The following CLSTN2 variants were observed in gnomAD, a reference collection of about 807,000 sequenced individuals.
CLSTN2 encodes calsyntenin 2.
Under a neutral mutation model 101.2 loss-of-function variants are expected in CLSTN2, and 48 were observed. The ratio of observed to expected loss-of-function variants is 0.47; its 90% CI spans 0.38 to 0.60. The LOEUF (loss-of-function observed/expected upper bound fraction) is 0.60, where lower values mean the gene tolerates loss of function less well. Ranked by LOEUF, CLSTN2 falls within the 20% of genes least tolerant of loss-of-function variation. The pLI, the probability that CLSTN2 is intolerant of heterozygous loss-of-function variation, is 0.00. For synonymous variants in CLSTN2, 481 were observed against 463.6 expected (o/e 1.04, Z -0.48); for missense variants, 1,160 against 1,238.2 (o/e 0.94, Z 0.95).
intron 1 of CLSTN2, among the ~76,000 whole-genome samples, chr3:140,016,793 G>GT (rs773769040): frequency 1.2e-4 from 11 of 89,298 alleles, no homozygotes; most frequent in African/African-American, 4.6e-4. Context: ...GTGAGACTCT[G>GT]AAAAAAAAAA....
intron 8 of CLSTN2, among the ~76,000 whole-genome samples, chr3:140,495,409 G>T (rs192437639): frequency 1.0e-3 from 153 of 152,196 alleles, no homozygotes; most frequent in African/African-American, 3.5e-3. Flanking sequence ...CCATTCTATA[G>T]GTTGTCTGTT....
chr3:140,440,956 A>G (rs2088757408), intron 5 of CLSTN2, among the ~76,000 whole-genome samples: 1 of 152,222 alleles, frequency 6.6e-6, no homozygotes, highest in South Asian at 2.1e-4. Flanking sequence ...GCAGAGCATT[A>G]AACCAAGATG....
intron 1 of CLSTN2, among the ~76,000 whole-genome samples, chr3:139,941,728 C>T (rs1935135092): frequency 6.6e-6 from 1 of 152,152 alleles, no homozygotes; most frequent in African/African-American, 2.4e-5. Flanking sequence ...CAGGTAAATA[C>T]AAGGTGGTAA....
intron 13 of CLSTN2, among the ~76,000 whole-genome samples, chr3:140,562,594 G>A (rs73870106): frequency 0.027 from 4,116 of 152,276 alleles, 166 homozygotes; most frequent in African/African-American, 0.093. Context: ...AGAAACATCT[G>A]GAAGATTAAG....
At chr3:140,198,308 C>T (rs1260822062) in intron 2 of CLSTN2, among the ~76,000 whole-genome samples, 1 of 152,168 alleles carries the variant, frequency 6.6e-6, no homozygotes, top group Non-Finnish European at 1.5e-5. Flanking sequence ...TGCAGTGTAA[C>T]AAAGCATCAC....
chr3:140,242,704 CAT>C (rs1344493297), intron 2 of CLSTN2, among the ~76,000 whole-genome samples: 1 of 152,198 alleles, frequency 6.6e-6, no homozygotes. Context: ...TATGAGAGGA[CAT>C]GATTCCCATT....
intron 1 of CLSTN2, among the ~76,000 whole-genome samples, chr3:140,175,732 T>TCA: frequency 6.6e-6 from 1 of 152,182 alleles, no homozygotes. Flanking sequence ...GTCAATGCTG[T>TCA]CTCTCACCTT....
chr3:140,235,460 A>G (rs1046051119), intron 2 of CLSTN2, among the ~76,000 whole-genome samples: 8 of 152,218 alleles, frequency 5.3e-5, no homozygotes, highest in Non-Finnish European at 8.8e-5. Context: ...ATTTAAGCAC[A>G]TGCTTGGTGA....
chr3:140,354,215 A>G (rs183292834), intron 2 of CLSTN2, among the ~76,000 whole-genome samples: 10 of 152,346 alleles, frequency 6.6e-5, no homozygotes, highest in Admixed American at 5.9e-4. Flanking sequence ...TCCTGGTTCC[A>G]TAGGATGTTA....
intron 8 of CLSTN2, among the ~76,000 whole-genome samples, chr3:140,528,434 G>A (rs2107777398): frequency 6.6e-6 from 1 of 152,230 alleles, no homozygotes; most frequent in Admixed American, 6.5e-5. Flanking sequence ...GGTTAACATG[G>A]CACCTTGCAC....
intron 2 of CLSTN2, among the ~76,000 whole-genome samples, chr3:140,340,196 A>G (rs1013270447): frequency 3.3e-5 from 5 of 152,234 alleles, no homozygotes; most frequent in African/African-American, 4.8e-5. Context: ...TCCTCCTACA[A>G]TATGCATTTT....
chr3:140,105,439 G>C (rs2009040002), intron 1 of CLSTN2, among the ~76,000 whole-genome samples: 1 of 152,166 alleles, frequency 6.6e-6, no homozygotes, highest in Admixed American at 6.5e-5. Flanking sequence ...AATAATTAGT[G>C]ATTGGATAGT....
rs1186745781 is a variant in CLSTN2, at chr3:140,562,160, G to A, written c.2064G>A (p.Glu688=). 4 of 1,614,066 alleles carry A rather than the reference G, an allele frequency of 2.5e-6. No individual in the cohort carries two copies. The Admixed American group carries it at 5.0e-5, about 20-fold the overall frequency. Residue 688 remains glutamate (E), a synonymous_variant, in exon 13 of 17, where the codon GAG becomes GAA. Coordinates refer to ENST00000458420, the MANE Select transcript of CLSTN2 (RefSeq NM_022131.3). ...CAGACCCCAAATCAGAAGTCTTAGA[G>A]GAAATGCTTCATAACTTAGATTTCT... The part of the protein sequence containing the change: ...KTTDPKSEVL[E]EMLHNLDFCD...
chr3:140,318,009 C>A (rs529291453), intron 2 of CLSTN2, among the ~76,000 whole-genome samples: 1 of 152,162 alleles, frequency 6.6e-6, no homozygotes, highest in African/African-American at 2.4e-5. Flanking sequence ...CGCACATTAC[C>A]GCTGTATGGG....
At chr3:140,250,412 G>A (rs1437550943) in intron 2 of CLSTN2, among the ~76,000 whole-genome samples, 3 of 152,160 alleles carry the variant, frequency 2.0e-5, no homozygotes, top group Non-Finnish European at 2.9e-5. Flanking sequence ...TTCCATGGCC[G>A]GTGGCTACAG....
chr3:140,451,845 C>T (rs1933259607), intron 6 of CLSTN2, among the ~76,000 whole-genome samples: 1 of 152,160 alleles, frequency 6.6e-6, no homozygotes, highest in Non-Finnish European at 1.5e-5. Context: ...CCATTTAAGC[C>T]TCAGTATTCA....
chr3:140,466,573 G>T (rs975438252), intron 7 of CLSTN2, 37 bp from the exon 8 acceptor site: 4 of 1,613,570 alleles, frequency 2.5e-6, no homozygotes, highest in Non-Finnish European at 3.4e-6. Flanking sequence ...TGACACAGGG[G>T]TTCTCTCACT....
chr3:140,170,807 G>C (rs1256779107), intron 1 of CLSTN2, among the ~76,000 whole-genome samples: 1 of 152,228 alleles, frequency 6.6e-6, no homozygotes, highest in Non-Finnish European at 1.5e-5. Context: ...ATGAATGACA[G>C]AACAACACTG....
rs116213870 is a variant in CLSTN2, at chr3:140,398,431, C to A, written c.233-5198C>A. On this transcript the variant is annotated intron_variant, in intron 2 of 16. Coordinates refer to ENST00000458420, the MANE Select transcript of CLSTN2 (RefSeq NM_022131.3). ...TCACTAAGCCACCAGCACTTTTACT[C>A]CCCATTGCTTTTATGTCATCAGTGC... 6.0e-3 allele frequency among the ~76,000 whole-genome samples: 913 copies of A among 152,298 alleles called. 12 individuals are homozygous for A. The highest frequency in any genetic ancestry group is 0.02 in the African/African-American group (840 of 41,560).
Sources: allele counts gnomAD v4.1 joint callset (sites outside exome capture counted in the v4.1 genomes callset), GRCh38; gene constraint gnomAD v4.1.1; transcripts MANE v1.5; gene names NCBI Gene and HGNC (gene_info 2026-07-23, HGNC 2026-07-21).